Variants in ERC2 observed in about 807,000 individuals in gnomAD.
ERC2 encodes ERC protein 2.
ERC2 carries 42 observed loss-of-function variants against 114.8 expected under a neutral mutation model. The ratio of observed to expected loss-of-function variants is 0.37; its 90% CI spans 0.29 to 0.47. The LOEUF (loss-of-function observed/expected upper bound fraction) is 0.47. Among genes scored for constraint, ERC2 ranks in the 20% least tolerant of loss-of-function variants. ERC2 has a pLI of 0.99. For missense variants in ERC2, 939 were observed against 1,150.7 expected (o/e 0.82, Z 2.66); for synonymous variants, 454 against 425.5 (o/e 1.07, Z -0.82).
chr3:56,464,923 A>G (rs2063475905), intron 1 of ERC2, among the ~76,000 whole-genome samples: 1 of 152,210 alleles, frequency 6.6e-6, no homozygotes, highest in Non-Finnish European at 1.5e-5. Context: ...TAGTAAAACA[A>G]GCAAATGCAG....
At chr3:56,218,949 T>C (rs567365828) in intron 3 of ERC2, among the ~76,000 whole-genome samples, 38 of 151,808 alleles carry the variant, frequency 2.5e-4, no homozygotes, top group Non-Finnish European at 4.3e-4. Flanking sequence ...TGAGAACACA[T>C]GGACACAGGA....
chr3:55,672,793 C>A (rs988171038), intron 17 of ERC2, among the ~76,000 whole-genome samples: 2 of 152,174 alleles, frequency 1.3e-5, no homozygotes, highest in African/African-American at 4.8e-5. Flanking sequence ...TCCATCCTTC[C>A]CTGTCCCCAG....
chr3:55,985,831 C>A lies in ERC2; in HGVS notation c.2267+146G>T, dbSNP rs548464452. The A allele has an allele frequency of 5.3e-5, 36 of 685,712 alleles. No homozygotes were observed. In the East Asian group the frequency reaches 1.0e-3, roughly 19 times the overall value. The allele number at this position is 685,712 out of a possible 1,614,324, so 42.5% of individuals were successfully genotyped here. A position where few individuals can be genotyped will look rare whatever the true frequency, so the allele number is the denominator to read the frequency against. On this transcript the variant is annotated intron_variant, in intron 12 of 17. Transcript: ENST00000288221. ...TATACATCCTTTTCATAAAATAAACCTTCCCAAGGCATGGAATGAAATGAG... is the reference window on the plus strand; with the variant it reads ...TATACATCCTTTTCATAAAATAAACATTCCCAAGGCATGGAATGAAATGAG...
intron 15 of ERC2, among the ~76,000 whole-genome samples, chr3:55,727,168 A>C (rs1471221795): frequency 6.6e-6 from 1 of 152,186 alleles, no homozygotes; most frequent in East Asian, 1.9e-4. Context: ...TCAAGGGTGA[A>C]GAAAAAGAGT....
intron 14 of ERC2, among the ~76,000 whole-genome samples, chr3:55,807,888 A>G (rs1372811757): frequency 1.3e-5 from 2 of 152,144 alleles, no homozygotes; most frequent in Non-Finnish European, 2.9e-5. Context: ...TGTACATATA[A>G]TAGAGTCTTC....
chr3:56,136,258 T>C (rs2080499410), intron 6 of ERC2, among the ~76,000 whole-genome samples: 1 of 152,110 alleles, frequency 6.6e-6, no homozygotes, highest in African/African-American at 2.4e-5. Context: ...TTTATACTAT[T>C]CTAAAAGAGC....
intron 7 of ERC2, among the ~76,000 whole-genome samples, chr3:56,063,836 T>C (rs2076349013): frequency 6.6e-6 from 1 of 152,218 alleles, no homozygotes; most frequent in African/African-American, 2.4e-5. Flanking sequence ...TTTCTGATAC[T>C]TCTCTGTACA....
At chr3:55,717,832 T>C (rs187079999) in intron 15 of ERC2, among the ~76,000 whole-genome samples, 11 of 152,250 alleles carry the variant, frequency 7.2e-5, no homozygotes, top group Non-Finnish European at 1.5e-5. Context: ...GTGAGGATAA[T>C]AATCTACAAA....
chr3:55,837,951 C>T (rs2060970671), intron 14 of ERC2, among the ~76,000 whole-genome samples: 1 of 146,094 alleles, frequency 6.8e-6, no homozygotes, highest in South Asian at 2.2e-4. Context: ...AATTTCAGAA[C>T]AAACAGTATT....
chr3:55,802,405 C>T (rs779774313), intron 14 of ERC2, among the ~76,000 whole-genome samples: 9 of 151,998 alleles, frequency 5.9e-5, no homozygotes, highest in Non-Finnish European at 1.2e-4. Context: ...GGGAGAACAC[C>T]CAGATAGGGA....
intron 14 of ERC2, among the ~76,000 whole-genome samples, chr3:55,769,131 G>T (rs72875449): frequency 2.0e-5 from 3 of 152,218 alleles, no homozygotes; most frequent in Admixed American, 1.3e-4. Flanking sequence ...GCCTCCGAAG[G>T]CTCCAGCATA....
chr3:55,704,858 C>T (rs771034886), intron 15 of ERC2, among the ~76,000 whole-genome samples: 5 of 152,234 alleles, frequency 3.3e-5, no homozygotes, highest in African/African-American at 7.2e-5. Context: ...TCTGCAACTG[C>T]AATGATGCCA....
intron 7 of ERC2, among the ~76,000 whole-genome samples, chr3:56,022,742 T>C (rs547032917): frequency 9.7e-4 from 148 of 152,228 alleles, no homozygotes; most frequent in Non-Finnish European, 1.6e-3. Context: ...GAAGGGTTTT[T>C]TTGAGAAATT....
intron 17 of ERC2, among the ~76,000 whole-genome samples, chr3:55,551,857 C>T (rs1373953236): frequency 1.3e-5 from 2 of 152,206 alleles, no homozygotes; most frequent in African/African-American, 2.4e-5. Flanking sequence ...GTCAAGTTGA[C>T]ACATAAAATT....
rs376474475 is a variant in ERC2 at position 55,660,566 on chromosome 3, G to A, written c.*39+23228C>T. 5.3e-4 allele frequency among the ~76,000 whole-genome samples: 80 copies of A among 150,866 alleles called. 2 individuals are homozygous for A. The South Asian group carries it at 0.011, about 21-fold the overall frequency. ...CACCTAGTGGTGTAGTATTCCAAGG[G>A]CATTAAAACAAGGTTAAAGGGCTTT... On this transcript the variant is annotated intron_variant, in intron 17 of 17. Coordinates refer to ENST00000288221, the MANE Select transcript of ERC2 (RefSeq NM_015576.3).
chr3:56,082,083 A>AT (rs2077263168), intron 6 of ERC2, among the ~76,000 whole-genome samples: 1 of 145,440 alleles, frequency 6.9e-6, no homozygotes, highest in South Asian at 2.2e-4. Flanking sequence ...GGATATATAT[A>AT]TTAAAAAGAT....
intron 14 of ERC2, among the ~76,000 whole-genome samples, chr3:55,828,507 T>C (rs1396884917): frequency 1.1e-5 from 1 of 87,548 alleles, no homozygotes; most frequent in Non-Finnish European, 2.1e-5. Flanking sequence ...AGCAGGCAGT[T>C]AAACCCCCAA....
intron 11 of ERC2, among the ~76,000 whole-genome samples, chr3:55,986,640 T>C (rs1279825031): frequency 6.6e-6 from 1 of 152,012 alleles, no homozygotes; most frequent in African/African-American, 2.4e-5. Context: ...AAGGACAGAG[T>C]AACTTTCCAA....
chr3:55,756,134 T>C (rs1014493642), intron 14 of ERC2, among the ~76,000 whole-genome samples: 1 of 152,126 alleles, frequency 6.6e-6, no homozygotes, highest in Non-Finnish European at 1.5e-5. Context: ...AGTTTGCAGC[T>C]TGCTAGAGAA....
Sources: allele counts gnomAD v4.1 joint callset (sites outside exome capture counted in the v4.1 genomes callset), GRCh38; gene constraint gnomAD v4.1.1; transcripts MANE v1.5; gene names NCBI Gene and HGNC (gene_info 2026-07-23, HGNC 2026-07-21).